Variants in BRIP1 observed in about 807,000 individuals in gnomAD.
BRIP1 encodes Fanconi anemia group J protein.
BRIP1 carries 88 observed loss-of-function variants against 119.7 expected under a neutral mutation model. That is an observed-to-expected ratio of 0.74 (90% CI 0.62 to 0.88). BRIP1 has a LOEUF of 0.88. BRIP1 is among the 40% of genes least tolerant of loss of function. BRIP1 has a pLI of 0.00. For synonymous variants in BRIP1, 443 were observed against 496.5 expected (o/e 0.89, Z 1.43); for missense variants, 1,259 against 1,455.4 (o/e 0.87, Z 2.20).
rs2145246293 is a variant in BRIP1 at position 61,793,759 on chromosome 17, C to G, written c.1341-30G>C. ...AATAAAATAAAACAATTGTGTCAAC[C>G]AGTATCATCCTTACACACACTATTT... On this transcript the variant is annotated intron_variant, in intron 9 of 19. Transcript: ENST00000259008. This position sits in a 1 kb window ranked among gnomAD's most constrained non-coding sequence, Gnocchi z 5.2. The G allele has an allele frequency of 6.3e-7, 1 of 1,599,406 alleles. No homozygotes were observed. Among genetic ancestry groups the G allele is most frequent in the Non-Finnish European group, 8.5e-7 (1 of 1,174,770 alleles).
chr17:61,787,209 A>T (rs1412221162), intron 10 of BRIP1, among the ~76,000 whole-genome samples: 1 of 48,370 alleles, frequency 2.1e-5, no homozygotes, highest in African/African-American at 9.0e-5. Flanking sequence ...TAAAATATAT[A>T]AAAATATATT....
Position 61,685,996 on chromosome 17 carries a change from C to T in BRIP1, c.2745G>A (p.Lys915=), listed in dbSNP as rs2061356129. Residue 915 remains lysine (K), a synonymous_variant, in exon 19 of 20, where the codon AAG becomes AAA. Coordinates refer to ENST00000259008, the MANE Select transcript of BRIP1 (RefSeq NM_032043.3). ...NESTLEVTSL[K]YSTSPYLLEA... is the part of the protein sequence containing the mutation. Reference sequence around the variant, plus strand: ...CCAGTAAATAAGGTGAGGTACTGTACTTTAAAGAGGTCACTTCAAGTGTAG... The same window carrying T: ...CCAGTAAATAAGGTGAGGTACTGTATTTTAAAGAGGTCACTTCAAGTGTAG... The T allele has an allele frequency of 6.2e-7, 1 of 1,614,004 alleles. No individual in the cohort carries two copies. Among genetic ancestry groups the T allele is most frequent in the Non-Finnish European group, 8.5e-7 (1 of 1,179,936 alleles).
At position 61,857,074 on chromosome 17, in the gene BRIP1, A is replaced by G. The variant is rs876660306; in HGVS notation, c.363T>C (p.Thr121=). The G allele has an allele frequency of 6.2e-7, 1 of 1,614,074 alleles. No individual in the cohort carries two copies. The highest frequency in any genetic ancestry group is 8.5e-7 in the Non-Finnish European group (1 of 1,179,966). ...ATAAATTACCTTGACAAGTTGATGAAGTGCCATTTCTTTCAGAAGGTGGTG... is the reference window on the plus strand; with the variant it reads ...ATAAATTACCTTGACAAGTTGATGAGGTGCCATTTCTTTCAGAAGGTGGTG... The part of the protein sequence containing the change: ...PSTPPSERNG[T]SSTCQDSPEK... The change falls in exon 4 of 20, where the codon ACT becomes ACC. Residue 121 remains threonine, a synonymous_variant. Transcript: ENST00000259008. The surrounding 1 kb of genome is among the most constrained non-coding windows in gnomAD (Gnocchi z 5.1).
Position 61,803,322 on chromosome 17 carries a change from G to A in BRIP1, c.919-1848C>T, listed in dbSNP as rs918434319. 1.3e-5 allele frequency among the ~76,000 whole-genome samples: 2 copies of A among 152,056 alleles called. No individual in the cohort carries two copies. The highest frequency in any genetic ancestry group is 4.8e-5 in the African/African-American group (2 of 41,406). On this transcript the variant is annotated intron_variant, in intron 7 of 19. Coordinates refer to ENST00000259008, the MANE Select transcript of BRIP1 (RefSeq NM_032043.3). The surrounding 1 kb of genome is among the most constrained non-coding windows in gnomAD (Gnocchi z 4.3). ...TGGTCTTGAACTCCTGAACTCAAGC[G>A]ATCCGCCTGCCTCGGCCTCCCAAAG...
chr17:61,718,877 T>C (rs1483451161), intron 16 of BRIP1, among the ~76,000 whole-genome samples: 1 of 152,214 alleles, frequency 6.6e-6, no homozygotes, highest in Non-Finnish European at 1.5e-5. Flanking sequence ...GCATAACCTA[T>C]GCATATCCTC....
chr17:61,706,473 A>C lies in BRIP1; in HGVS notation c.2492+9478T>G, dbSNP rs2061691835. ...CATAGTTTTATGTTTTCAATGAAAA[A>C]CATAACTGTCCTTTCCCTACCCACC... On this transcript the variant is annotated intron_variant, in intron 17 of 19. Coordinates refer to ENST00000259008, the MANE Select transcript of BRIP1 (RefSeq NM_032043.3). The surrounding 1 kb of genome is among the most constrained non-coding windows in gnomAD (Gnocchi z 5.7). Among the ~76,000 whole-genome samples, 1 of 152,276 alleles carries C rather than the reference A, an allele frequency of 6.6e-6. No individual in the cohort carries two copies. Among genetic ancestry groups the C allele is most frequent in the African/African-American group, 2.4e-5 (1 of 41,564 alleles).
At chr17:61,733,140 T>C (rs2076872534) in intron 16 of BRIP1, among the ~76,000 whole-genome samples, 1 of 152,230 alleles carries the variant, frequency 6.6e-6, no homozygotes, top group Non-Finnish European at 1.5e-5. Context: ...CTCATTCATT[T>C]TCTCGTGAAT....
intron 14 of BRIP1, among the ~76,000 whole-genome samples, chr17:61,750,536 A>G (rs1281121028): frequency 6.6e-6 from 1 of 152,196 alleles, no homozygotes; most frequent in Admixed American, 6.5e-5. Flanking sequence ...AAAAATTATA[A>G]AACTTTTTTG....
rs932336480 is a variant in BRIP1 at position 61,807,699 on chromosome 17, T to C, written c.918+768A>G. Among the ~76,000 whole-genome samples, 14 of 152,128 alleles carry C rather than the reference T, an allele frequency of 9.2e-5. No individual in the cohort carries two copies. Among genetic ancestry groups the C allele is most frequent in the African/African-American group, 2.4e-4 (10 of 41,430 alleles). ...ACTCTAAAAATATATTAAAATATCA[T>C]TGGTCACTTCATAGTAATCAATTTA... On this transcript the variant is annotated intron_variant, in intron 7 of 19. Coordinates refer to ENST00000259008, the MANE Select transcript of BRIP1 (RefSeq NM_032043.3). This position sits in a 1 kb window ranked among gnomAD's most constrained non-coding sequence, Gnocchi z 4.5.
rs942503138 is a variant in BRIP1 at position 61,857,730 on chromosome 17, C to A, written c.206-499G>T. On this transcript the variant is annotated intron_variant, in intron 3 of 19. Transcript: ENST00000259008. This position sits in a 1 kb window ranked among gnomAD's most constrained non-coding sequence, Gnocchi z 5.1. ...CAGAGCAAGACTCTGTTTCAAAAAC[C>A]AAAACAAAAACATTTATAGGGAAAT... Among the ~76,000 whole-genome samples, 11 of 151,740 alleles carry A rather than the reference C, an allele frequency of 7.2e-5. No individual in the cohort carries two copies. Among genetic ancestry groups the A allele is most frequent in the African/African-American group, 2.2e-4 (9 of 41,278 alleles).
Position 61,683,921 on chromosome 17 carries a change from T to C in BRIP1, c.3125A>G (p.Glu1042Gly), listed in dbSNP as rs1555572828. ...AGTGAAGGGCAAAACAGTTTTACTT[T>C]CCATCTTCTCTGTTTTGAAACGGGG... Reference protein sequence around the residue: ...SPPRFKTEKMESKTVLPFTDK... With the variant: ...SPPRFKTEKMGSKTVLPFTDK... The change falls in exon 20 of 20, where the codon GAA becomes GGA. Residue 1042 changes from glutamate (E) to glycine (G), a missense_variant. By Grantham distance (98) the Glu-to-Gly change is moderately conservative (BLOSUM62 -2). Around this residue, in one of 3 missense-constraint regions of BRIP1, gnomAD observed 753 missense variants for 891.8 expected, o/e 0.84. Coordinates refer to ENST00000259008, the MANE Select transcript of BRIP1 (RefSeq NM_032043.3). The surrounding 1 kb of genome is among the most constrained non-coding windows in gnomAD (Gnocchi z 4.7). 2 of 1,614,198 alleles carry C rather than the reference T, an allele frequency of 1.2e-6. No homozygotes were observed. The highest frequency in any genetic ancestry group is 1.7e-6 in the Non-Finnish European group (2 of 1,180,034).
intron 5 of BRIP1, among the ~76,000 whole-genome samples, chr17:61,847,896 T>G (rs894641379): frequency 6.6e-6 from 1 of 152,194 alleles, no homozygotes; most frequent in Non-Finnish European, 1.5e-5. Context: ...GGAATAAATG[T>G]TTTATGTTGA....
In BRIP1 at chr17:61,739,463, A is replaced by G. The variant is rs961658670; in HGVS notation, c.2379+3550T>C. The G allele has an allele frequency of 2.2e-4, 39 of 180,964 alleles. No individual in the cohort carries two copies. The highest frequency in any genetic ancestry group is 5.9e-5 in the Non-Finnish European group (5 of 84,656). 11.2% of individuals were successfully genotyped at this position (180,964 alleles called of 1,614,324 possible). ...AGTTACTGGAGGCTGAAAAAGTATT[A>G]GACTCTGAATCATCAAGTGAGATAC... On this transcript the variant is annotated intron_variant, in intron 16 of 19. Transcript: ENST00000259008. This position sits in a 1 kb window ranked among gnomAD's most constrained non-coding sequence, Gnocchi z 6.0.
At chr17:61,773,534 T>C (rs2077490020) in intron 14 of BRIP1, among the ~76,000 whole-genome samples, 1 of 152,004 alleles carries the variant, frequency 6.6e-6, no homozygotes, top group African/African-American at 2.4e-5. Context: ...CCAAAATCAA[T>C]GACAACAAAA....
At position 61,808,894 on chromosome 17, in the gene BRIP1, C is replaced by G. The variant is rs1197733910; in HGVS notation, c.628-137G>C. ...GAGAAATAACAAGAAATTATAGTATCTAAAACTTGCCATTAAAGAAAAAAC... is the reference window on the plus strand; with the variant it reads ...GAGAAATAACAAGAAATTATAGTATGTAAAACTTGCCATTAAAGAAAAAAC... On this transcript the variant is annotated intron_variant, in intron 6 of 19. Transcript: ENST00000259008. The surrounding 1 kb of genome is among the most constrained non-coding windows in gnomAD (Gnocchi z 4.1). The G allele has an allele frequency of 1.1e-6, 1 of 878,978 alleles. No individual in the cohort carries two copies. Among genetic ancestry groups the G allele is most frequent in the African/African-American group, 1.7e-5 (1 of 58,752 alleles). The allele number at this position is 878,978 out of a possible 1,614,324, so 54.4% of individuals were successfully genotyped here. A position where few individuals can be genotyped will look rare whatever the true frequency, so the allele number is the denominator to read the frequency against.
At chr17:61,749,420 A>T (rs1182960050) in intron 14 of BRIP1, among the ~76,000 whole-genome samples, 1 of 152,138 alleles carries the variant, frequency 6.6e-6, no homozygotes, top group African/African-American at 2.4e-5. Context: ...TTAAAAAAAA[A>T]TTGAAAAACA....
At chr17:61,855,913 A>G (rs1015150797) in intron 4 of BRIP1, among the ~76,000 whole-genome samples, 2 of 152,206 alleles carry the variant, frequency 1.3e-5, no homozygotes, top group African/African-American at 2.4e-5. Context: ...AAGGAAAGGT[A>G]CACAAGGAGA....
Position 61,851,465 on chromosome 17 carries a change from C to T in BRIP1, c.380-2209G>A, listed in dbSNP as rs1388596397. Among the ~76,000 whole-genome samples, 3 of 152,026 alleles carry T rather than the reference C, an allele frequency of 2.0e-5. No homozygotes were observed. Among genetic ancestry groups the T allele is most frequent in the Non-Finnish European group, 2.9e-5 (2 of 68,012 alleles). The stretch of plus-strand genomic sequence containing the variant: ...TTGTATATGGTATAAAGTAGGGCTC[C>T]AATTTCAATTTTTTCCATATGGACA... On this transcript the variant is annotated intron_variant, in intron 4 of 19. Transcript: ENST00000259008. The surrounding 1 kb of genome is among the most constrained non-coding windows in gnomAD (Gnocchi z 4.6).
chr17:61,792,763 G>C (rs1212954577), intron 10 of BRIP1, among the ~76,000 whole-genome samples: 1 of 152,096 alleles, frequency 6.6e-6, no homozygotes, highest in Non-Finnish European at 1.5e-5. Context: ...TGGATTCCTA[G>C]GCAAAACCTA....
Sources: gnomAD v4.1 joint callset for allele counts (sites outside exome capture counted in the v4.1 genomes callset) on GRCh38, gnomAD v4.1.1 for gene constraint, gnomAD v4.1.1 regional missense constraint, Gnocchi (gnomAD v3.1) non-coding constraint, MANE v1.5 for transcripts, NCBI Gene and HGNC (gene_info 2026-07-23, HGNC 2026-07-21) for gene names.